The following GPHN variants were observed in gnomAD, a reference collection of about 807,000 sequenced individuals.
GPHN encodes gephyrin.
Under a neutral mutation model 95.5 loss-of-function variants are expected in GPHN, and 17 were observed. The ratio of observed to expected loss-of-function variants is 0.18; its 90% confidence interval spans 0.12 to 0.27. The LOEUF (loss-of-function observed/expected upper bound fraction) is 0.27. GPHN is among the 10% of genes least tolerant of loss of function. GPHN has a pLI of 1.00. For missense variants in GPHN, 660 were observed against 978.1 expected, an observed-to-expected ratio of 0.67 and a Z score of 4.34; for synonymous variants, 320 against 322.5, an observed-to-expected ratio of 0.99 and a Z score of 0.08.
At chr14:67,539,435 G>A in the GPHN span, among the ~76,000 whole-genome samples, 2 of 152,114 alleles carry the variant, frequency 1.3e-5, no homozygotes, top group Admixed American at 6.6e-5. Flanking sequence ...GAGCTTACTC[G>A]GTCCATCAGT....
chr14:67,194,801 GCACCTGT>G, the GPHN span, among the ~76,000 whole-genome samples: 1 of 152,288 alleles, frequency 6.6e-6, no homozygotes, highest in East Asian at 1.9e-4. Flanking sequence ...GGGATTACAG[GCACCTGT>G]CACCATGCCA....
chr14:67,521,616 C>G, the GPHN span, among the ~76,000 whole-genome samples: 1 of 152,142 alleles, frequency 6.6e-6, no homozygotes, highest in Admixed American at 6.5e-5. Context: ...TCATGAACAC[C>G]TTGAGCCTGA....
At chr14:67,195,794 A>G in the GPHN span, among the ~76,000 whole-genome samples, 1 of 149,552 alleles carries the variant, frequency 6.7e-6, no homozygotes, top group Non-Finnish European at 1.5e-5. Context: ...CCCAGGCTGG[A>G]GTGCAGTGGC....
chr14:67,728,576 TCATAA>T, the GPHN span, among the ~76,000 whole-genome samples: 1 of 152,260 alleles, frequency 6.6e-6, no homozygotes, highest in African/African-American at 2.4e-5. Flanking sequence ...TAAATGGGTA[TCATAA>T]CATAATATTC....
intron 17 of GPHN, among the ~76,000 whole-genome samples, chr14:67,130,252 G>C (rs965171926): frequency 6.6e-6 from 1 of 151,984 alleles, no homozygotes; most frequent in Non-Finnish European, 1.5e-5. Context: ...TAGGTTTTAG[G>C]CCCCTTACCC....
At chr14:66,837,895 G>T (rs979861178) in intron 4 of GPHN, among the ~76,000 whole-genome samples, 8 of 151,866 alleles carry the variant, frequency 5.3e-5, no homozygotes, top group Non-Finnish European at 1.2e-4. Flanking sequence ...CTATGGATAC[G>T]AGAGATCATA....
intron 12 of GPHN, among the ~76,000 whole-genome samples, chr14:67,093,840 CTT>C (rs2077236220): frequency 6.6e-6 from 1 of 152,054 alleles, no homozygotes; most frequent in Non-Finnish European, 1.5e-5. Context: ...GTCACCTTCT[CTT>C]GTTACCTTTC....
chr14:66,616,499 G>T (rs1348069888), intron 1 of GPHN, among the ~76,000 whole-genome samples: 3 of 151,744 alleles, frequency 2.0e-5, no homozygotes, highest in Non-Finnish European at 4.4e-5. Context: ...TTTGCTGGGG[G>T]TTCACTTCAG....
chr14:67,471,082 C>A, the GPHN span: 1 of 152,260 alleles, frequency 6.6e-6, no homozygotes, highest in Admixed American at 6.5e-5. Flanking sequence ...TGAGGGGCAA[C>A]TGGAGAAATG....
chr14:66,768,412 A>AAAAAAAATTTT (rs2059042567), intron 2 of GPHN, among the ~76,000 whole-genome samples: 1 of 152,020 alleles, frequency 6.6e-6, no homozygotes, highest in Non-Finnish European at 1.5e-5. Context: ...ATTCTATTTC[A>AAAAAAAATTTT]TACCTGCTTT....
the GPHN span, among the ~76,000 whole-genome samples, chr14:67,567,192 C>CCT: frequency 1.3e-5 from 2 of 152,032 alleles, no homozygotes; most frequent in Non-Finnish European, 2.9e-5. Context: ...AGAAGCCCAG[C>CCT]CTCTCTCTCT....
chr14:66,802,247 A>G (rs1377313878), intron 3 of GPHN, among the ~76,000 whole-genome samples: 2 of 152,114 alleles, frequency 1.3e-5, no homozygotes, highest in African/African-American at 2.4e-5. Context: ...GGCAACCACC[A>G]TCTCAGGCTT....
intron 9 of GPHN, among the ~76,000 whole-genome samples, chr14:66,985,365 C>A (rs747830511): frequency 1.1e-4 from 17 of 152,188 alleles, no homozygotes; most frequent in South Asian, 4.1e-4. Context: ...ATTTGTAATT[C>A]TTTGTTTTTT....
chr14:66,708,215 A>C (rs1411798906), intron 2 of GPHN, among the ~76,000 whole-genome samples: 1 of 90,140 alleles, frequency 1.1e-5, no homozygotes, highest in Non-Finnish European at 1.7e-5. Context: ...TAAAAACTTC[A>C]AAAAAAAAAA....
intron 1 of GPHN, among the ~76,000 whole-genome samples, chr14:66,573,609 A>G (rs8003589): frequency 0.25 from 38,174 of 151,784 alleles, 9,661 homozygotes; most frequent in African/African-American, 0.62. Context: ...GGCGCCTGCC[A>G]CCACGCACGG....
chr14:67,499,045 C>T, the GPHN span, among the ~76,000 whole-genome samples: 2 of 151,754 alleles, frequency 1.3e-5, no homozygotes, highest in African/African-American at 4.8e-5. Flanking sequence ...CTCTGTTGCC[C>T]AGGCTGGAGT....
chr14:67,111,679 CCTT>C (rs1401602002), intron 14 of GPHN, among the ~76,000 whole-genome samples, 179 bp from the exon 15 acceptor site: 1 of 151,984 alleles, frequency 6.6e-6, no homozygotes, highest in Non-Finnish European at 1.5e-5. Flanking sequence ...TGGCACCAAA[CCTT>C]CTAATTTTTC....
chr14:66,802,711 G>C (rs989984934), intron 3 of GPHN, among the ~76,000 whole-genome samples: 2 of 152,158 alleles, frequency 1.3e-5, no homozygotes, highest in African/African-American at 4.8e-5. Flanking sequence ...ACAAGGCTGT[G>C]GGTTCCCTTC....
At chr14:67,530,964 C>T in the GPHN span, among the ~76,000 whole-genome samples, 2 of 152,222 alleles carry the variant, frequency 1.3e-5, no homozygotes, top group Non-Finnish European at 2.9e-5. Context: ...ACTAAATTGG[C>T]TCAGACCAGT....
Sources: gnomAD v4.1 joint callset for allele counts (sites outside exome capture counted in the v4.1 genomes callset) on GRCh38, gnomAD v4.1.1 for gene constraint, MANE v1.5 for transcripts, NCBI Gene and HGNC (gene_info 2026-07-23, HGNC 2026-07-21) for gene names.